Variants in PCDH10 observed in about 807,000 individuals in gnomAD.
PCDH10 encodes protocadherin 10.
In PCDH10, 15 loss-of-function variants were observed where a neutral mutation model predicts 74.4. The ratio of observed to expected loss-of-function variants is 0.20; its 90% CI spans 0.13 to 0.31. The LOEUF is 0.31. Among genes scored for constraint, PCDH10 ranks in the 10% least tolerant of loss-of-function variants. The pLI is 1.00. For synonymous variants in PCDH10, 619 were observed against 589.8 expected (o/e 1.05, Z -0.72); for missense variants, 1,260 against 1,390.2 (o/e 0.91, Z 1.49).
rs1248201362 is a variant in PCDH10, at chr4:133,151,250, C to T, written c.1110C>T (p.Gly370=). ...FSTVKEAVSE[G]AAPGTVVALF... is the part of the protein sequence containing the mutation. ...CCGTGAAGGAAGCGGTGAGTGAGGGCGCGGCGCCCGGCACTGTGGTGGCCC... is the reference window on the plus strand; with the variant it reads ...CCGTGAAGGAAGCGGTGAGTGAGGGTGCGGCGCCCGGCACTGTGGTGGCCC... Residue 370 remains glycine (G), a synonymous_variant, in exon 1 of 5, where the codon GGC becomes GGT. Transcript: ENST00000264360. The T allele has an allele frequency of 2.2e-5, 35 of 1,613,972 alleles. No homozygotes were observed. Among genetic ancestry groups the T allele is most frequent in the Non-Finnish European group, 2.5e-5 (30 of 1,180,018 alleles).
chr4:133,172,368 A>C (rs893013926), intron 4 of PCDH10, among the ~76,000 whole-genome samples: 1 of 151,980 alleles, frequency 6.6e-6, no homozygotes, highest in African/African-American at 2.4e-5. Flanking sequence ...TTATATTCCC[A>C]ATTGATTTGA....
At chr4:133,154,621 C>T (rs1726823894) in intron 2 of PCDH10, among the ~76,000 whole-genome samples, 1 of 152,116 alleles carries the variant, frequency 6.6e-6, no homozygotes, top group African/African-American at 2.4e-5. Context: ...GATAGTCTTC[C>T]TCACTGTTCC....
intron 4 of PCDH10, among the ~76,000 whole-genome samples, chr4:133,181,860 CAT>C (rs1307114115): frequency 6.6e-6 from 1 of 152,012 alleles, no homozygotes; most frequent in African/African-American, 2.4e-5. Context: ...CTTCTTTGAA[CAT>C]ATGTTTGAAT....
chr4:133,164,933 C>T (rs915738403), intron 4 of PCDH10, among the ~76,000 whole-genome samples: 9 of 147,944 alleles, frequency 6.1e-5, no homozygotes, highest in Non-Finnish European at 1.3e-4. Context: ...ATTATTTGCT[C>T]ATTTTATATA....
chr4:133,184,493 C>T (rs1727489377), intron 4 of PCDH10, among the ~76,000 whole-genome samples: 1 of 151,264 alleles, frequency 6.6e-6, no homozygotes. Context: ...CGTTGTGGTG[C>T]GCAACTGTAA....
In PCDH10 at chr4:133,169,224, A is replaced by C. The variant is rs575042461; in HGVS notation, c.3103+5942A>C. Among the ~76,000 whole-genome samples the C allele has an allele frequency of 1.1e-4, 16 of 151,824 alleles. No homozygotes were observed. In the East Asian group the frequency reaches 3.1e-3, roughly 29 times the overall value. On this transcript the variant is annotated intron_variant, in intron 4 of 4. Coordinates refer to ENST00000264360, the MANE Select transcript of PCDH10 (RefSeq NM_032961.3). ...ATCTTTTTATAAAGCTAATAGTTTTATATTTTCCTCTAGTTTAGTCACTTT... is the reference window on the plus strand; with the variant it reads ...ATCTTTTTATAAAGCTAATAGTTTTCTATTTTCCTCTAGTTTAGTCACTTT...
chr4:133,176,589 A>T (rs1727301317), intron 4 of PCDH10, among the ~76,000 whole-genome samples: 1 of 152,132 alleles, frequency 6.6e-6, no homozygotes, highest in South Asian at 2.1e-4. Context: ...TCTTTTCACA[A>T]TATATCACTA....
intron 4 of PCDH10, among the ~76,000 whole-genome samples, chr4:133,179,441 C>T (rs1374556829): frequency 2.6e-5 from 4 of 152,128 alleles, no homozygotes; most frequent in Non-Finnish European, 5.9e-5. Flanking sequence ...TTCTGTTTCA[C>T]ATCATTTAAT....
chr4:133,162,471 T>C (rs1726988629), intron 3 of PCDH10, among the ~76,000 whole-genome samples: 1 of 152,178 alleles, frequency 6.6e-6, no homozygotes. Flanking sequence ...CACTTTCTGC[T>C]TCATATTCAA....
At chr4:133,169,330 G>A (rs1164372388) in intron 4 of PCDH10, among the ~76,000 whole-genome samples, 1 of 151,598 alleles carries the variant, frequency 6.6e-6, no homozygotes, top group East Asian at 1.9e-4. Context: ...ATATGGTTAA[G>A]TAAAATATTG....
chr4:133,181,377 A>G (rs1472020130), intron 4 of PCDH10, among the ~76,000 whole-genome samples: 1 of 152,004 alleles, frequency 6.6e-6, no homozygotes, highest in Non-Finnish European at 1.5e-5. Context: ...CTCGTCCTAT[A>G]CTATAATTTA....
At position 133,161,860 on chromosome 4, in the gene PCDH10, T is replaced by G. The variant is rs543556409; in HGVS notation, c.2798-1117T>G. Among the ~76,000 whole-genome samples the G allele has an allele frequency of 3.9e-5, 6 of 152,248 alleles. No individual in the cohort carries two copies. The East Asian group carries it at 1.2e-3, about 29-fold the overall frequency. On this transcript the variant is annotated intron_variant, in intron 3 of 4. Transcript: ENST00000264360. ...AGTTTGAGAATAGGTTGAGATTGCT[T>G]TGGCCCTGTTTTAAAATATCTGATA...
rs1214859449 is a variant in PCDH10, at chr4:133,150,260, T to A, written c.120T>A (p.Asp40Glu). The change falls in exon 1 of 5, where the codon GAT becomes GAA. Residue 40 changes from aspartate (D) to glutamate (E), a missense_variant. Asp to Glu is a conservative substitution (Grantham distance 45). Around this residue, in one of 11 missense-constraint regions of PCDH10, gnomAD observed 103 missense variants for 91.5 expected, o/e 1.13. Transcript: ENST00000264360. The stretch of plus-strand genomic sequence containing the variant: ...CTTTCGTGGGGAATATCGCTGAAGA[T>A]CTGGGTCTGGACATTACAAAACTTT... The part of the protein sequence containing the change: ...HGTFVGNIAE[D>E]LGLDITKLSA... 2.5e-6 allele frequency: 4 copies of A among 1,613,926 alleles called. No individual in the cohort carries two copies. Among genetic ancestry groups the A allele is most frequent in the East Asian group, 4.5e-5 (2 of 44,842 alleles).
At chr4:133,181,456 G>T (rs893960772) in intron 4 of PCDH10, among the ~76,000 whole-genome samples, 21 of 151,988 alleles carry the variant, frequency 1.4e-4, no homozygotes, top group African/African-American at 3.9e-4. Flanking sequence ...TGAAGTAGAT[G>T]CCCTGAGGAC....
intron 4 of PCDH10, among the ~76,000 whole-genome samples, chr4:133,173,308 C>T (rs1396311515): frequency 6.6e-6 from 1 of 151,866 alleles, no homozygotes; most frequent in Non-Finnish European, 1.5e-5. Context: ...TAAACAAATG[C>T]TATATAGATA....
intron 2 of PCDH10, among the ~76,000 whole-genome samples, chr4:133,205,415 A>G (rs1370997745): frequency 6.6e-6 from 1 of 152,168 alleles, no homozygotes; most frequent in Non-Finnish European, 1.5e-5. Context: ...TCATAAACAC[A>G]GGATCCCCCA....
Position 133,180,887 on chromosome 4 carries a change from G to T in PCDH10, c.3104-9254G>T, listed in dbSNP as rs907580482. ...ATAAATTTTAACCTTTAACAAGCAG[G>T]ATATTATCTTGTTTCAATAATTTAA... is the stretch of plus-strand genomic sequence containing the variant. On this transcript the variant is annotated intron_variant, in intron 4 of 4. Coordinates refer to ENST00000264360, the MANE Select transcript of PCDH10 (RefSeq NM_032961.3). 9.0e-4 allele frequency among the ~76,000 whole-genome samples: 136 copies of T among 151,554 alleles called. 1 individual carries two copies. Among genetic ancestry groups the T allele is most frequent in the Non-Finnish European group, 3.1e-4 (21 of 67,780 alleles).
Position 133,154,224 on chromosome 4 carries a change from G to T in PCDH10, c.2632-83G>T, listed in dbSNP as rs1023001906. ...AAAATGTATACAATTACTTAAGCTAGATATAGTTCCTAACCTCAAAAGTAG... is the reference window on the plus strand; with the variant it reads ...AAAATGTATACAATTACTTAAGCTATATATAGTTCCTAACCTCAAAAGTAG... On this transcript the variant is annotated intron_variant, in intron 1 of 4. Transcript: ENST00000264360. 3 of 802,302 alleles carry T rather than the reference G, an allele frequency of 3.7e-6. No homozygotes were observed. The Admixed American group carries it at 7.5e-5, about 20-fold the overall frequency. The allele number at this position is 802,302 out of a possible 1,614,324, so 49.7% of individuals were successfully genotyped here.
intron 4 of PCDH10, among the ~76,000 whole-genome samples, chr4:133,189,803 A>G (rs1312932655): frequency 6.6e-6 from 1 of 152,124 alleles, no homozygotes; most frequent in Non-Finnish European, 1.5e-5. Flanking sequence ...TAAGGGCCAC[A>G]CATTTTTTTC....
Sources: gnomAD v4.1 joint callset for allele counts (sites outside exome capture counted in the v4.1 genomes callset) on GRCh38, gnomAD v4.1.1 for gene constraint, gnomAD v4.1.1 regional missense constraint, MANE v1.5 for transcripts, NCBI Gene and HGNC (gene_info 2026-07-23, HGNC 2026-07-21) for gene names.